CACNA1C: variants seen among roughly 807,000 people sequenced by gnomAD.
CACNA1C encodes voltage-dependent L-type calcium channel subunit alpha-1C.
Under a neutral mutation model 229.0 loss-of-function variants are expected in CACNA1C, and 30 were observed. The ratio of observed to expected loss-of-function variants is 0.13; its 90% CI spans 0.10 to 0.18. CACNA1C has a LOEUF of 0.18. CACNA1C is among the 10% of genes least tolerant of loss of function. The probability of loss-of-function intolerance (pLI) is 1.00; values close to 1 mark genes in which losing one functional copy is unlikely to be tolerated. For missense variants in CACNA1C, 1,658 were observed against 2,845.0 expected (o/e 0.58, Z 9.49); for synonymous variants, 1,114 against 1,132.5 (o/e 0.98, Z 0.33).
rs1006740847 is a variant in CACNA1C at position 2,648,337 on chromosome 12, C to T, written c.3913-138C>T. The stretch of plus-strand genomic sequence containing the variant: ...GACGCCCCAGGACCTGCCAGGCCTA[C>T]GCTTTCACGTTTCTTTCACTTGTTT... On this transcript the variant is annotated intron_variant, in intron 30 of 46. Transcript: ENST00000399655. The T allele has an allele frequency of 3.7e-5, 29 of 790,282 alleles. No homozygotes were observed. In the Middle Eastern group the frequency reaches 1.1e-3, roughly 31 times the overall value. 49.0% of individuals were successfully genotyped at this position (790,282 alleles called of 1,614,324 possible).
At chr12:2,104,539 G>T (rs1202487892) in intron 1 of CACNA1C, among the ~76,000 whole-genome samples, 2 of 152,170 alleles carry the variant, frequency 1.3e-5, no homozygotes, top group Admixed American at 1.3e-4. Flanking sequence ...GACTTCCTCT[G>T]TTTGTATTTG....
At chr12:2,213,417 TC>T (rs1045967816) in intron 3 of CACNA1C, among the ~76,000 whole-genome samples, 2 of 152,152 alleles carry the variant, frequency 1.3e-5, no homozygotes, top group African/African-American at 2.4e-5. Context: ...GCCCTGTCTG[TC>T]CCATGTGGTC....
intron 3 of CACNA1C, among the ~76,000 whole-genome samples, chr12:2,183,801 A>G (rs537104302): frequency 6.6e-6 from 1 of 152,382 alleles, no homozygotes; most frequent in East Asian, 1.9e-4. Context: ...CAGGTAGGGC[A>G]GTGGCTGAGG....
chr12:2,046,437 C>T (rs1440428491), intron 1 of CACNA1C, among the ~76,000 whole-genome samples: 1 of 152,164 alleles, frequency 6.6e-6, no homozygotes, highest in Non-Finnish European at 1.5e-5. Context: ...CACACATTCC[C>T]ATTTTGCAGA....
intron 13 of CACNA1C, among the ~76,000 whole-genome samples, chr12:2,581,354 G>C (rs2060428333): frequency 6.6e-6 from 1 of 152,186 alleles, no homozygotes; most frequent in South Asian, 2.1e-4. Context: ...TAGGTCGCGG[G>C]CTTCTGACCA....
At chr12:2,150,273 G>C (rs2095120644) in intron 3 of CACNA1C, among the ~76,000 whole-genome samples, 1 of 152,182 alleles carries the variant, frequency 6.6e-6, no homozygotes. Flanking sequence ...TTGGTCTCTA[G>C]AGCAGCCACT....
rs2092810441 is a variant in CACNA1C, at chr12:2,287,228, AG to A, written c.478-161745del. On this transcript the variant is annotated intron_variant, in intron 3 of 46. Coordinates refer to ENST00000399655, the MANE Select transcript of CACNA1C (RefSeq NM_000719.7). The surrounding 1 kb of genome is among the most constrained non-coding windows in gnomAD (Gnocchi z 4.6). Reference sequence around the variant, plus strand: ...TTTTCCCAAGGAATATTCTAGAGGAAGGGTTTCTGGGAATGACCTTCCCAAG... The same window carrying A: ...TTTTCCCAAGGAATATTCTAGAGGAAGGTTTCTGGGAATGACCTTCCCAAG... Among the ~76,000 whole-genome samples the A allele has an allele frequency of 6.6e-6, 1 of 152,160 alleles. No homozygotes were observed. Among genetic ancestry groups the A allele is most frequent in the South Asian group, 2.1e-4 (1 of 4,826 alleles).
intron 1 of CACNA1C, chr12:1,993,300 G>A: frequency 6.2e-7 from 1 of 1,614,106 alleles, no homozygotes. Flanking sequence ...GGGTCCTGGA[G>A]TTGGAAATCC....
chr12:2,620,496 G>A (rs2082701957), intron 29 of CACNA1C, among the ~76,000 whole-genome samples: 1 of 152,192 alleles, frequency 6.6e-6, no homozygotes, highest in Admixed American at 6.5e-5. Flanking sequence ...ACCACCCTCT[G>A]GAATGGAAAG....
At chr12:2,453,699 C>T (rs2154564080) in intron 4 of CACNA1C, among the ~76,000 whole-genome samples, 1 of 152,268 alleles carries the variant, frequency 6.6e-6, no homozygotes, top group Admixed American at 6.5e-5. Flanking sequence ...CCACTGTGCC[C>T]TCCCATCCCC....
intron 3 of CACNA1C, among the ~76,000 whole-genome samples, chr12:2,259,434 T>C (rs2079198558): frequency 6.6e-6 from 1 of 152,170 alleles, no homozygotes; most frequent in South Asian, 2.1e-4. Context: ...TTAATGTCTT[T>C]ATCAAAAAAA....
intron 7 of CACNA1C, among the ~76,000 whole-genome samples, chr12:2,503,636 G>A (rs576306407): frequency 3.3e-5 from 5 of 152,172 alleles, no homozygotes; most frequent in Non-Finnish European, 7.3e-5. Flanking sequence ...TGTGGTCAAC[G>A]AACACGGAGC....
chr12:2,251,634 A>C (rs1334384610), intron 3 of CACNA1C, among the ~76,000 whole-genome samples: 1 of 152,366 alleles, frequency 6.6e-6, no homozygotes, highest in Non-Finnish European at 1.5e-5. Flanking sequence ...ATGAACATAC[A>C]TATCTTCTAA....
intron 4 of CACNA1C, among the ~76,000 whole-genome samples, chr12:2,451,109 G>C (rs2099365286): frequency 6.6e-6 from 1 of 152,158 alleles, no homozygotes; most frequent in Admixed American, 6.5e-5. Context: ...GGTGCACTAA[G>C]GTTATTAGCA....
At chr12:2,383,398 T>C (rs2098300588) in intron 3 of CACNA1C, among the ~76,000 whole-genome samples, 1 of 152,128 alleles carries the variant, frequency 6.6e-6, no homozygotes, top group Non-Finnish European at 1.5e-5. Context: ...ATCAGCAACA[T>C]AGCTGTAGTT....
chr12:2,597,212 T>G lies in CACNA1C; in HGVS notation c.2794-18T>G. 6.4e-7 allele frequency: 1 copy of G among 1,568,538 alleles called. No homozygotes were observed. Among genetic ancestry groups the G allele is most frequent in the Non-Finnish European group, 8.8e-7 (1 of 1,138,764 alleles). ...CCTTCCCCATCCCATCCCCACCCTG[T>G]TCCTTTTTGTTTTGCAGATTCTGTT... On this transcript the variant is annotated intron_variant, in intron 20 of 46. Coordinates refer to ENST00000399655, the MANE Select transcript of CACNA1C (RefSeq NM_000719.7). The surrounding 1 kb of genome is among the most constrained non-coding windows in gnomAD (Gnocchi z 4.3).
intron 3 of CACNA1C, among the ~76,000 whole-genome samples, chr12:2,352,282 G>A (rs1004545487): frequency 6.6e-6 from 1 of 152,202 alleles, no homozygotes; most frequent in Non-Finnish European, 1.5e-5. Context: ...GGCTGCCTAA[G>A]GTTGTCAGAA....
rs563093262 is a variant in CACNA1C, at chr12:2,219,411, C to T, written c.477+98981C>T. ...GAGGACCTCACTGAAGTGGAGAGAC[C>T]AACAGATAGGGCTGCCAACTCAACC... On this transcript the variant is annotated intron_variant, in intron 3 of 46. Transcript: ENST00000399655. Among the ~76,000 whole-genome samples, 5 of 152,268 alleles carry T rather than the reference C, an allele frequency of 3.3e-5. No individual in the cohort carries two copies. In the South Asian group the frequency reaches 1.0e-3, roughly 32 times the overall value.
At position 2,597,762 on chromosome 12, in the gene CACNA1C, A is replaced by G. The variant is rs559921455; in HGVS notation, c.2853+473A>G. On this transcript the variant is annotated intron_variant, in intron 21 of 46. Transcript: ENST00000399655. This position sits in a 1 kb window ranked among gnomAD's most constrained non-coding sequence, Gnocchi z 4.3. Reference sequence around the variant, plus strand: ...GAAGGGACACGTGTTGGCTGTGCCAACATTAAGGCTGCCATTTCACTGGTT... The same window carrying G: ...GAAGGGACACGTGTTGGCTGTGCCAGCATTAAGGCTGCCATTTCACTGGTT... Among the ~76,000 whole-genome samples, 1 of 152,160 alleles carries G rather than the reference A, an allele frequency of 6.6e-6. No individual in the cohort carries two copies.
Sources: gnomAD v4.1 joint callset for allele counts (sites outside exome capture counted in the v4.1 genomes callset) on GRCh38, gnomAD v4.1.1 for gene constraint, Gnocchi (gnomAD v3.1) non-coding constraint, MANE v1.5 for transcripts, NCBI Gene and HGNC (gene_info 2026-07-23, HGNC 2026-07-21) for gene names.